RERE: variants seen among roughly 807,000 people sequenced by gnomAD.
RERE encodes the protein arginine-glutamic acid dipeptide repeats protein.
Under a neutral mutation model 146.1 loss-of-function variants are expected in RERE, and 40 were observed. The observed-to-expected ratio is 0.27, with a 90% CI of 0.21 to 0.36. The LOEUF (loss-of-function observed/expected upper bound fraction) is 0.36. Ranked by LOEUF, RERE falls within the 10% of genes least tolerant of loss-of-function variation. RERE has a pLI of 1.00. For synonymous variants in RERE, 1,003 were observed against 866.0 expected (o/e 1.16, Z -2.78); for missense variants, 1,933 against 2,138.7 (o/e 0.90, Z 1.90).
At chr1:8,689,018 G>A (rs895505797) in intron 1 of RERE, among the ~76,000 whole-genome samples, 2 of 151,898 alleles carry the variant, frequency 1.3e-5, no homozygotes, top group Admixed American at 6.6e-5. Context: ...GAGCTATCTC[G>A]TATAGGAATT....
intron 7 of RERE, among the ~76,000 whole-genome samples, chr1:8,540,095 A>T (rs904137215): frequency 1.1e-4 from 17 of 151,540 alleles, no homozygotes; most frequent in Admixed American, 6.6e-4. Context: ...TTATTTATTT[A>T]TTTTTTATTC....
rs540788780 is a variant in RERE, at chr1:8,467,882, G to C, written c.1105-1859C>G. ...AATGGTCTCGATCTCTTGACCTCGT[G>C]ATCCACCCGCCTCGGCCTCCCAAAG... is the stretch of plus-strand genomic sequence containing the variant. On this transcript the variant is annotated intron_variant, in intron 10 of 22. Coordinates refer to ENST00000400908, the MANE Select transcript of RERE (RefSeq NM_001042681.2). Among the ~76,000 whole-genome samples the C allele has an allele frequency of 8.5e-5, 13 of 152,210 alleles. No individual in the cohort carries two copies. The East Asian group carries it at 1.4e-3, about 16-fold the overall frequency.
intron 1 of RERE, among the ~76,000 whole-genome samples, chr1:8,721,552 G>C: frequency 6.6e-6 from 1 of 152,086 alleles, no homozygotes; most frequent in African/African-American, 2.4e-5. Context: ...GACCTCAGGG[G>C]ATCTGCCTGC....
At chr1:8,585,306 G>T (rs967041465) in intron 4 of RERE, among the ~76,000 whole-genome samples, 1 of 152,148 alleles carries the variant, frequency 6.6e-6, no homozygotes, top group African/African-American at 2.4e-5. Flanking sequence ...ACAGCGTGTT[G>T]TATCAGTATA....
chr1:8,575,562 T>TATATATA (rs1491346958), intron 4 of RERE, among the ~76,000 whole-genome samples: 7 of 35,426 alleles, frequency 2.0e-4, no homozygotes, highest in South Asian at 1.5e-3. Context: ...TATATATATA[T>TATATATA]TTTTTTTTTT....
intron 4 of RERE, among the ~76,000 whole-genome samples, chr1:8,609,753 A>T (rs1414357493): frequency 6.6e-6 from 1 of 152,222 alleles, no homozygotes; most frequent in Non-Finnish European, 1.5e-5. Context: ...TTTAATTCTT[A>T]AATGGTACTA....
chr1:8,600,706 A>G (rs1388758436), intron 4 of RERE, among the ~76,000 whole-genome samples: 1 of 152,162 alleles, frequency 6.6e-6, no homozygotes, highest in Non-Finnish European at 1.5e-5. Flanking sequence ...ATACTAAAAA[A>G]GTACTCAAAA....
At chr1:8,716,614 CA>C (rs201987500) in intron 1 of RERE, among the ~76,000 whole-genome samples, 33 of 149,554 alleles carry the variant, frequency 2.2e-4, no homozygotes, top group African/African-American at 7.1e-4. Flanking sequence ...AATAAACAAA[CA>C]AAAAAAAATA....
chr1:8,595,757 G>T (rs992269312), intron 4 of RERE, among the ~76,000 whole-genome samples: 12 of 152,162 alleles, frequency 7.9e-5, no homozygotes, highest in Admixed American at 2.6e-4. Flanking sequence ...TTAATGGAAG[G>T]AGGAGTGGTT....
At chr1:8,754,717 TA>T (rs1162281295) in intron 1 of RERE, among the ~76,000 whole-genome samples, 1 of 152,224 alleles carries the variant, frequency 6.6e-6, no homozygotes, top group Non-Finnish European at 1.5e-5. Flanking sequence ...ATTTAAAACA[TA>T]AAGATTTTCA....
chr1:8,756,013 C>T (rs1295385919), intron 1 of RERE, among the ~76,000 whole-genome samples: 1 of 152,116 alleles, frequency 6.6e-6, no homozygotes, highest in Non-Finnish European at 1.5e-5. Flanking sequence ...ACCAAATTAT[C>T]AGTCAAGTGT....
chr1:8,414,572 A>G (rs940802646), intron 12 of RERE, among the ~76,000 whole-genome samples: 13 of 151,858 alleles, frequency 8.6e-5, no homozygotes, highest in Admixed American at 5.9e-4. Context: ...AATAAATAAC[A>G]TTTCAATAGT....
chr1:8,405,666 G>A (rs1358490855), intron 12 of RERE, among the ~76,000 whole-genome samples: 1 of 152,182 alleles, frequency 6.6e-6, no homozygotes, highest in Non-Finnish European at 1.5e-5. Context: ...TCGAGACGGA[G>A]TCTCACTCTG....
At position 8,482,681 on chromosome 1, in the gene RERE, CAAAAA is replaced by C. The variant is rs35501735; in HGVS notation, c.1104+12377_1104+12381del. Among the ~76,000 whole-genome samples, 421 of 51,208 alleles carry C rather than the reference CAAAAA, an allele frequency of 8.2e-3. 2 individuals are homozygous for C. The highest frequency in any genetic ancestry group is 0.05 in the East Asian group (73 of 1,466). 33.6% of individuals were successfully genotyped at this position (51,208 alleles called of 152,430 possible). A position where few individuals can be genotyped will look rare whatever the true frequency, so the allele number is the denominator to read the frequency against. On this transcript the variant is annotated intron_variant, in intron 10 of 22. Coordinates refer to ENST00000400908, the MANE Select transcript of RERE (RefSeq NM_001042681.2). ...TGGGCAACAGAGTGAGATTCTGTTG[CAAAAA>C]AAAAAAAAAAAAAAAAAAAAAGACA...
chr1:8,674,880 TG>T (rs1455123067), intron 1 of RERE, among the ~76,000 whole-genome samples: 1 of 152,164 alleles, frequency 6.6e-6, no homozygotes, highest in African/African-American at 2.4e-5. Context: ...TCAGCTCACC[TG>T]GAAAAAAGGC....
At chr1:8,376,471 A>C (rs1405492994) in intron 12 of RERE, among the ~76,000 whole-genome samples, 1 of 152,204 alleles carries the variant, frequency 6.6e-6, no homozygotes. Context: ...TGTCTATAGA[A>C]ACGCTTTCTG....
chr1:8,669,121 T>C lies in RERE; in HGVS notation c.-144-12680A>G, dbSNP rs183434683. 2.6e-4 allele frequency among the ~76,000 whole-genome samples: 37 copies of C among 143,840 alleles called. 1 individual carries two copies. Among genetic ancestry groups the C allele is most frequent in the African/African-American group, 8.7e-4 (34 of 39,272 alleles). 94.4% of individuals were successfully genotyped at this position (143,840 alleles called of 152,430 possible). ...TCTCACTCTGTCACCCAGGCTGGAG[T>C]GCAGTGGCATGCGTGATCACGGCTC... is the stretch of plus-strand genomic sequence containing the variant. On this transcript the variant is annotated intron_variant, in intron 1 of 22. Transcript: ENST00000400908.
rs564789018 is a variant in RERE at position 8,557,762 on chromosome 1, AAGG to A, written c.523-242_523-240del. ...CTAAACTGCTTATTTCAGGAAACAA[AAGG>A]AGACCAGTCTTGAATCTGTTTATCT... is the stretch of plus-strand genomic sequence containing the variant. On this transcript the variant is annotated intron_variant, in intron 4 of 22. Coordinates refer to ENST00000400908, the MANE Select transcript of RERE (RefSeq NM_001042681.2). 9.3e-4 allele frequency among the ~76,000 whole-genome samples: 142 copies of A among 152,324 alleles called. 1 individual carries two copies. Among genetic ancestry groups the A allele is most frequent in the African/African-American group, 3.2e-3 (135 of 41,580 alleles).
At chr1:8,416,543 A>G (rs898670114) in intron 12 of RERE, among the ~76,000 whole-genome samples, 2 of 149,808 alleles carry the variant, frequency 1.3e-5, no homozygotes, top group South Asian at 2.1e-4. Context: ...CCGAGACTGC[A>G]TAACTGCACT....
Sources: allele counts gnomAD v4.1 joint callset (sites outside exome capture counted in the v4.1 genomes callset), GRCh38; gene constraint gnomAD v4.1.1; transcripts MANE v1.5; gene names NCBI Gene and HGNC (gene_info 2026-07-23, HGNC 2026-07-21).